SRGAP2: variants seen among roughly 807,000 people sequenced by gnomAD.
The protein encoded by SRGAP2 is SLIT-ROBO Rho GTPase-activating protein 2.
A neutral mutation model predicts 57.2 loss-of-function variants in SRGAP2; 15 were observed. The ratio of observed to expected loss-of-function variants is 0.26; its 90% CI spans 0.18 to 0.40. The LOEUF (loss-of-function observed/expected upper bound fraction) is 0.40. Ranked by LOEUF, SRGAP2 falls within the 10% of genes least tolerant of loss-of-function variation. The pLI, the probability that SRGAP2 is intolerant of heterozygous loss-of-function variation, is 1.00. For synonymous variants in SRGAP2, 249 were observed against 248.0 expected, an observed-to-expected ratio of 1.00 and a Z score of -0.04; for missense variants, 520 against 669.6, an observed-to-expected ratio of 0.78 and a Z score of 2.47.
intron 2 of SRGAP2, among the ~76,000 whole-genome samples, chr1:206,295,280 A>G (rs1480046785): frequency 3.3e-5 from 5 of 151,788 alleles, no homozygotes; most frequent in African/African-American, 7.3e-5. Flanking sequence ...CTGGAGTGCA[A>G]TGGTGTGATC....
At chr1:206,425,762 T>C (rs1553366075) in intron 13 of SRGAP2, among the ~76,000 whole-genome samples, 1 of 152,110 alleles carries the variant, frequency 6.6e-6, no homozygotes, top group Non-Finnish European at 1.5e-5. Flanking sequence ...CTCGAACTCC[T>C]GACCTCAGGT....
At chr1:206,327,671 T>C (rs1254313794) in intron 3 of SRGAP2, among the ~76,000 whole-genome samples, 2 of 116,040 alleles carry the variant, frequency 1.7e-5, no homozygotes, top group East Asian at 4.7e-4. Flanking sequence ...TTATTTATTT[T>C]TTATTTATTT....
intron 18 of SRGAP2, among the ~76,000 whole-genome samples, chr1:206,448,898 T>C (rs1442259053): frequency 6.6e-6 from 1 of 152,238 alleles, no homozygotes; most frequent in Non-Finnish European, 1.5e-5. Flanking sequence ...GAATGTTCTC[T>C]GGAGCCTGGG....
chr1:206,456,918 A>G (rs1245330122), intron 21 of SRGAP2, among the ~76,000 whole-genome samples: 1 of 152,128 alleles, frequency 6.6e-6, no homozygotes, highest in South Asian at 2.1e-4. Context: ...TCTCCCTTCA[A>G]GACTCAGTCC....
intron 2 of SRGAP2, among the ~76,000 whole-genome samples, chr1:206,255,620 TC>T (rs1553312177): frequency 1.5e-5 from 2 of 133,522 alleles, no homozygotes; most frequent in African/African-American, 5.5e-5. Flanking sequence ...TTTTGAATGG[TC>T]CCAAATGTGG....
chr1:206,425,803 G>A (rs1660743076), intron 13 of SRGAP2, among the ~76,000 whole-genome samples: 1 of 150,666 alleles, frequency 6.6e-6, no homozygotes, highest in Non-Finnish European at 1.5e-5. Context: ...CCAAAGTGCT[G>A]GGATTACAGG....
intron 2 of SRGAP2, chr1:206,207,595 C>G (rs1460193856): frequency 6.6e-6 from 1 of 151,434 alleles, no homozygotes; most frequent in Non-Finnish European, 1.5e-5. Context: ...CTCTTGGAAT[C>G]CCCCCTGCAG....
At chr1:206,258,064 C>T (rs1477511971) in intron 2 of SRGAP2, among the ~76,000 whole-genome samples, 1 of 152,012 alleles carries the variant, frequency 6.6e-6, no homozygotes, top group African/African-American at 2.4e-5. Context: ...CCCAGAGGAG[C>T]AAGTAATAGT....
intron 2 of SRGAP2, among the ~76,000 whole-genome samples, chr1:206,285,344 T>A (rs1422824904): frequency 0.45 from 68,717 of 151,664 alleles, 15,769 homozygotes; most frequent in East Asian, 0.69. Context: ...TTTGGGCGCC[T>A]CTCATGCCTT....
At chr1:206,459,754 G>T (rs1175017929) in intron 22 of SRGAP2, among the ~76,000 whole-genome samples, 2 of 152,296 alleles carry the variant, frequency 1.3e-5, no homozygotes, top group African/African-American at 4.8e-5. Flanking sequence ...CTTCCAGGGG[G>T]TGATAGAGGC....
chr1:206,389,067 C>A (rs1656626951), intron 5 of SRGAP2, among the ~76,000 whole-genome samples: 1 of 152,072 alleles, frequency 6.6e-6, no homozygotes, highest in African/African-American at 2.4e-5. Context: ...AACCTTGTAT[C>A]CCCTAGTCCA....
intron 12 of SRGAP2, among the ~76,000 whole-genome samples, chr1:206,420,956 T>C (rs1660250182): frequency 6.6e-6 from 1 of 152,202 alleles, no homozygotes. Flanking sequence ...AGTCCTCTCC[T>C]ATTCTAATTT....
In SRGAP2 at chr1:206,454,669, C is replaced by T. The variant is rs375880186; in HGVS notation, c.2361-209C>T. ...GAGCTGAGGAGCCCGCAGAACTCAG[C>T]GGATTATTTATTTTTATTTAAACGA... On this transcript the variant is annotated intron_variant, in intron 20 of 22. Transcript: ENST00000573034. The surrounding 1 kb of genome is among the most constrained non-coding windows in gnomAD (Gnocchi z 4.3). The T allele has an allele frequency of 1.1e-5, 6 of 547,464 alleles. No homozygotes were observed. The highest frequency in any genetic ancestry group is 4.8e-5 in the South Asian group (2 of 41,740). 33.9% of individuals were successfully genotyped at this position (547,464 alleles called of 1,614,324 possible).
chr1:206,447,993 G>C (rs12129635), intron 18 of SRGAP2, among the ~76,000 whole-genome samples: 1 of 152,156 alleles, frequency 6.6e-6, no homozygotes, highest in Admixed American at 6.5e-5. Context: ...CATTACTACC[G>C]CAGACTGTGT....
At chr1:206,416,618 C>CTT (rs1378020182) in intron 11 of SRGAP2, among the ~76,000 whole-genome samples, 3 of 152,200 alleles carry the variant, frequency 2.0e-5, no homozygotes, top group Non-Finnish European at 2.9e-5. Flanking sequence ...GCACTCTGGA[C>CTT]TTTCTCTCCT....
intron 10 of SRGAP2, among the ~76,000 whole-genome samples, chr1:206,411,624 G>A (rs1659232819): frequency 6.6e-6 from 1 of 152,190 alleles, no homozygotes. Context: ...GGGCTGGGTA[G>A]GTGTACTCAC....
intron 17 of SRGAP2, among the ~76,000 whole-genome samples, chr1:206,442,751 A>G (rs11120291): frequency 0.59 from 90,442 of 152,104 alleles, 28,447 homozygotes; most frequent in African/African-American, 0.8. Context: ...ATAGAATGCA[A>G]GACACAAATG....
intron 3 of SRGAP2, among the ~76,000 whole-genome samples, chr1:206,337,945 A>G (rs147563377): frequency 0.023 from 3,451 of 152,192 alleles, 122 homozygotes; most frequent in African/African-American, 0.077. Flanking sequence ...AGTTTGTTGA[A>G]CGTCCATAAA....
chr1:206,334,536 T>A (rs1224096691), intron 3 of SRGAP2, among the ~76,000 whole-genome samples: 4 of 151,952 alleles, frequency 2.6e-5, no homozygotes, highest in African/African-American at 9.7e-5. Context: ...GAGGGGGAGA[T>A]CTTTATGGAT....
Sources: allele counts gnomAD v4.1 joint callset (sites outside exome capture counted in the v4.1 genomes callset), GRCh38; gene constraint gnomAD v4.1.1; non-coding constraint Gnocchi (gnomAD v3.1); transcripts MANE v1.5; gene names NCBI Gene and HGNC (gene_info 2026-07-23, HGNC 2026-07-21).